Variants in ATL1 observed in about 807,000 individuals in gnomAD.
The protein encoded by ATL1 is atlastin-1.
ATL1 carries 31 observed loss-of-function variants against 75.5 expected under a neutral mutation model. The ratio of observed to expected loss-of-function variants is 0.41; its 90% CI spans 0.31 to 0.55. The LOEUF (loss-of-function observed/expected upper bound fraction) is 0.55. ATL1 is among the 20% of genes least tolerant of loss of function. ATL1 has a pLI of 0.27. For synonymous variants in ATL1, 226 were observed against 233.3 expected, an observed-to-expected ratio of 0.97 and a Z score of 0.28; for missense variants, 405 against 662.6, an observed-to-expected ratio of 0.61 and a Z score of 4.27.
intron 6 of ATL1, among the ~76,000 whole-genome samples, chr14:50,596,698 T>C (rs1161809400): frequency 6.6e-6 from 1 of 152,190 alleles, no homozygotes; most frequent in Non-Finnish European, 1.5e-5. Flanking sequence ...AAGCATATTT[T>C]GGAAATTTAA....
At chr14:50,595,981 A>G (rs549334716) in intron 6 of ATL1, among the ~76,000 whole-genome samples, 2 of 152,214 alleles carry the variant, frequency 1.3e-5, no homozygotes, top group South Asian at 4.2e-4. Flanking sequence ...AAAATTAAAC[A>G]TCCAGCCATA....
At chr14:50,570,773 T>G (rs1184116061) in intron 1 of ATL1, among the ~76,000 whole-genome samples, 1 of 152,234 alleles carries the variant, frequency 6.6e-6, no homozygotes, top group Non-Finnish European at 1.5e-5. Flanking sequence ...TTTCTTTGTA[T>G]ACTTTGTGAT....
chr14:50,584,073 A>G (rs552234452), intron 1 of ATL1, among the ~76,000 whole-genome samples: 1 of 152,324 alleles, frequency 6.6e-6, no homozygotes, highest in East Asian at 1.9e-4. Flanking sequence ...TATCAAAAGC[A>G]AACTTTAAAA....
At chr14:50,625,587 A>T (rs1443788588) in intron 11 of ATL1, among the ~76,000 whole-genome samples, 1 of 152,186 alleles carries the variant, frequency 6.6e-6, no homozygotes, top group Non-Finnish European at 1.5e-5. Flanking sequence ...AGTCGAACCC[A>T]GTGTTCATTT....
At chr14:50,585,751 G>A (rs1259677859) in intron 1 of ATL1, among the ~76,000 whole-genome samples, 1 of 152,160 alleles carries the variant, frequency 6.6e-6, no homozygotes, top group Non-Finnish European at 1.5e-5. Flanking sequence ...ACTTTATGTT[G>A]TAAATTGTAA....
intron 1 of ATL1, among the ~76,000 whole-genome samples, chr14:50,587,436 G>C (rs1448430848): frequency 4.1e-4 from 62 of 151,592 alleles, no homozygotes; most frequent in Non-Finnish European, 2.9e-5. Context: ...TTTGAGACAG[G>C]GTCTCCCTCT....
chr14:50,591,714 ATAAT>A (rs1361768843), intron 4 of ATL1, 75 bp downstream of exon 4: 17 of 1,027,814 alleles, frequency 1.7e-5, no homozygotes, highest in Non-Finnish European at 2.4e-5. Flanking sequence ...CATACATGTT[ATAAT>A]TAGATAAACA....
chr14:50,596,369 C>G (rs1008292232), intron 6 of ATL1, among the ~76,000 whole-genome samples: 1 of 151,800 alleles, frequency 6.6e-6, no homozygotes, highest in Non-Finnish European at 1.5e-5. Context: ...ATCAATAGAA[C>G]CATAAGAAGA....
In ATL1 at chr14:50,597,391, T is replaced by C. The variant is rs74463696; in HGVS notation, c.630+1759T>C. 5.4e-3 allele frequency among the ~76,000 whole-genome samples: 826 copies of C among 152,102 alleles called. 2 individuals carry two copies. Among genetic ancestry groups the C allele is most frequent in the Non-Finnish European group, 7.3e-3 (496 of 67,994 alleles). On this transcript the variant is annotated intron_variant, in intron 6 of 13. Transcript: ENST00000358385. ...ATTTACAGTAGGATAGCATTTTTTA[T>C]AAAGGTCCAAAATGAGCAAAACTAA...
Position 50,591,658 on chromosome 14 carries a change from T to C in ATL1, c.522+19T>C, listed in dbSNP as rs748226901. 33 of 1,549,038 alleles carry C rather than the reference T, an allele frequency of 2.1e-5. No individual in the cohort carries two copies. The highest frequency in any genetic ancestry group is 2.7e-5 in the Non-Finnish European group (30 of 1,121,144). ...AATACAGGTATGAAATAAGCCCATT[T>C]TGATGATGTTTCTTTAACTAAAAAT... is the stretch of plus-strand genomic sequence containing the variant. On this transcript the variant is annotated intron_variant, in intron 4 of 13. Transcript: ENST00000358385.
intron 1 of ATL1, among the ~76,000 whole-genome samples, chr14:50,562,704 T>G (rs150090163): frequency 6.6e-6 from 1 of 152,228 alleles, no homozygotes; most frequent in East Asian, 1.9e-4. Flanking sequence ...GAAATTATTA[T>G]AGAAAAGAAA....
chr14:50,559,942 T>C, upstream of ATL1: 1 of 425,670 alleles, frequency 2.3e-6, no homozygotes, highest in East Asian at 4.3e-5. Context: ...AGGGGGGTGC[T>C]GTTTATTTGT....
chr14:50,540,255 G>A (rs1273824065), intron 1 of ATL1, among the ~76,000 whole-genome samples: 1 of 152,152 alleles, frequency 6.6e-6, no homozygotes, highest in Non-Finnish European at 1.5e-5. Context: ...TAATCCCTGA[G>A]TCTCTAGGAA....
At chr14:50,607,699 C>T (rs1393482881) in intron 6 of ATL1, among the ~76,000 whole-genome samples, 1 of 151,976 alleles carries the variant, frequency 6.6e-6, no homozygotes, top group African/African-American at 2.4e-5. Context: ...GGTTTTAGAA[C>T]ATGTAGTCTT....
At chr14:50,540,169 G>A (rs2038542957) in intron 1 of ATL1, among the ~76,000 whole-genome samples, 1 of 152,206 alleles carries the variant, frequency 6.6e-6, no homozygotes, top group South Asian at 2.1e-4. Context: ...GTTTAGCACA[G>A]TTACTATAAT....
At chr14:50,577,101 C>T (rs1019503794) in intron 1 of ATL1, among the ~76,000 whole-genome samples, 2 of 152,084 alleles carry the variant, frequency 1.3e-5, no homozygotes, top group East Asian at 1.9e-4. Context: ...CTTGCTCTGT[C>T]GCCCAGGCTG....
At chr14:50,577,320 C>T (rs1389286513) in intron 1 of ATL1, among the ~76,000 whole-genome samples, 1 of 152,174 alleles carries the variant, frequency 6.6e-6, no homozygotes, top group Non-Finnish European at 1.5e-5. Context: ...GCCTTGGCCT[C>T]CCAAAGTGCT....
chr14:50,581,214 T>C (rs1797160900), intron 1 of ATL1, among the ~76,000 whole-genome samples: 1 of 151,932 alleles, frequency 6.6e-6, no homozygotes, highest in South Asian at 2.1e-4. Flanking sequence ...TTTCTTGACA[T>C]AGATATTAGC....
Position 50,574,971 on chromosome 14 carries a change from A to ATATATATC in ATL1, c.35-12855_35-12854insATCTATAT, listed in dbSNP as rs1234160143. Among the ~76,000 whole-genome samples the ATATATATC allele has an allele frequency of 5.2e-4, 68 of 129,578 alleles. 1 individual carries two copies. Among genetic ancestry groups the ATATATATC allele is most frequent in the African/African-American group, 2.0e-3 (65 of 33,008 alleles). 85.0% of individuals were successfully genotyped at this position (129,578 alleles called of 152,430 possible). On this transcript the variant is annotated intron_variant, in intron 1 of 13. Transcript: ENST00000358385. ...TATATATATATATATATATATATAT[A>ATATATATC]TATATTAGCTTTTACTAGTTATGAT...
Sources: allele counts gnomAD v4.1 joint callset (sites outside exome capture counted in the v4.1 genomes callset), GRCh38; gene constraint gnomAD v4.1.1; transcripts MANE v1.5; gene names NCBI Gene and HGNC (gene_info 2026-07-23, HGNC 2026-07-21).